Variants in GNB4 observed in about 807,000 individuals in gnomAD.
The protein encoded by GNB4 is guanine nucleotide-binding protein subunit beta-4.
Under a neutral mutation model 45.2 loss-of-function variants are expected in GNB4, and 28 were observed. The ratio of observed to expected loss-of-function variants is 0.62; its 90% CI spans 0.46 to 0.85. GNB4 has a LOEUF of 0.85. Ranked by LOEUF, GNB4 falls within the 40% of genes least tolerant of loss-of-function variation. GNB4 has a pLI of 0.00. For synonymous variants in GNB4, 132 were observed against 143.7 expected (o/e 0.92, Z 0.58); for missense variants, 321 against 425.4 (o/e 0.75, Z 2.16).
the GNB4 span, among the ~76,000 whole-genome samples, chr3:179,473,701 G>A: frequency 4.6e-5 from 7 of 152,116 alleles, no homozygotes; most frequent in Non-Finnish European, 7.4e-5. Context: ...TTGAAAACAC[G>A]GAAATAACTT....
the GNB4 span, among the ~76,000 whole-genome samples, chr3:179,525,519 G>A: frequency 6.7e-6 from 1 of 150,370 alleles, no homozygotes; most frequent in Non-Finnish European, 1.5e-5. Flanking sequence ...GCCAAAGCAG[G>A]CAACCCCGCA....
At chr3:179,487,013 C>A in the GNB4 span, among the ~76,000 whole-genome samples, 2 of 152,148 alleles carry the variant, frequency 1.3e-5, no homozygotes, top group Non-Finnish European at 2.9e-5. Context: ...CACTTCTATT[C>A]AAAAATGCCT....
chr3:179,441,608 C>T (rs1715594998), intron 1 of GNB4, among the ~76,000 whole-genome samples: 1 of 151,760 alleles, frequency 6.6e-6, no homozygotes, highest in African/African-American at 2.4e-5. Flanking sequence ...AAAAATTAGC[C>T]AGGCTGGGTG....
At chr3:179,519,494 A>G in the GNB4 span, among the ~76,000 whole-genome samples, 1 of 152,022 alleles carries the variant, frequency 6.6e-6, no homozygotes, top group Non-Finnish European at 1.5e-5. Context: ...CCTTGCCTCC[A>G]TAACTGTTGT....
chr3:179,463,669 T>C, the GNB4 span, among the ~76,000 whole-genome samples: 2 of 152,234 alleles, frequency 1.3e-5, no homozygotes, highest in African/African-American at 2.4e-5. Context: ...CTTAGCAAGA[T>C]AGTATGCTAT....
the GNB4 span, among the ~76,000 whole-genome samples, chr3:179,494,567 G>A: frequency 1.3e-5 from 2 of 151,204 alleles, no homozygotes; most frequent in African/African-American, 2.4e-5. Flanking sequence ...AGAAAGGAAG[G>A]AAGGAGGGAG....
intron 1 of GNB4, among the ~76,000 whole-genome samples, chr3:179,436,059 C>T (rs1488170659): frequency 6.6e-6 from 1 of 152,130 alleles, no homozygotes; most frequent in East Asian, 1.9e-4. Context: ...ATCATGAAAG[C>T]TCATATAAGC....
the GNB4 span, among the ~76,000 whole-genome samples, chr3:179,523,747 G>A: frequency 6.6e-6 from 1 of 152,104 alleles, no homozygotes; most frequent in African/African-American, 2.4e-5. Context: ...TTGCCACGGA[G>A]GGAGTAGAGG....
chr3:179,455,766 G>A (rs1288437960), upstream of GNB4, among the ~76,000 whole-genome samples: 2 of 152,174 alleles, frequency 1.3e-5, no homozygotes, highest in East Asian at 3.8e-4. Flanking sequence ...TCCAACATGG[G>A]CAGGGCTTGG....
intron 1 of GNB4, among the ~76,000 whole-genome samples, chr3:179,426,644 A>C (rs1018092289): frequency 1.6e-4 from 24 of 152,296 alleles, no homozygotes; most frequent in African/African-American, 5.5e-4. Flanking sequence ...ATCTCAGGAA[A>C]CGGCAAGACC....
intron 1 of GNB4, among the ~76,000 whole-genome samples, chr3:179,440,880 T>TAGAGAGAGAGAGAGAGAG (rs141411562): frequency 1.3e-3 from 193 of 149,120 alleles, no homozygotes; most frequent in African/African-American, 4.5e-3. Context: ...TATAGATAGA[T>TAGAGAGAGAGAGAGAGAG]AGAGAGAGAG....
intron 1 of GNB4, among the ~76,000 whole-genome samples, chr3:179,430,421 T>A (rs1715276335): frequency 6.6e-6 from 1 of 151,880 alleles, no homozygotes; most frequent in Admixed American, 6.6e-5. Flanking sequence ...ATAGCTGACT[T>A]CTTTCCTGTT....
At chr3:179,414,842 A>C in intron 6 of GNB4, 43 bp downstream of exon 6, 1 of 1,495,034 alleles carries the variant, frequency 6.7e-7, no homozygotes, top group Non-Finnish European at 9.1e-7. Flanking sequence ...CACATTCCAC[A>C]CAAGGAATCG....
At chr3:179,494,907 CAAAAAAAAAAAAAAA>C in the GNB4 span, among the ~76,000 whole-genome samples, 396 of 34,022 alleles carry the variant, frequency 0.012, 14 homozygotes, top group African/African-American at 0.046. Context: ...GACTCTGTCT[CAAAAAAAAAAAAAAA>C]AAAAAAAAAG....
At chr3:179,409,831 A>C (rs566476627) in intron 8 of GNB4, among the ~76,000 whole-genome samples, 2,918 of 122,400 alleles carry the variant, frequency 0.024, 54 homozygotes, top group South Asian at 0.062. Context: ...AAAAAAACAA[A>C]ACAAAAAAAA....
At chr3:179,427,088 G>C (rs974081695) in intron 1 of GNB4, among the ~76,000 whole-genome samples, 1 of 151,876 alleles carries the variant, frequency 6.6e-6, no homozygotes, top group South Asian at 2.1e-4. Flanking sequence ...CCCAGTCTCA[G>C]TGTCTTTGCA....
chr3:179,523,201 T>A, the GNB4 span, among the ~76,000 whole-genome samples: 1 of 151,968 alleles, frequency 6.6e-6, no homozygotes, highest in African/African-American at 2.4e-5. Context: ...AGCACGTGTG[T>A]TTTCATGAAG....
the GNB4 span, among the ~76,000 whole-genome samples, chr3:179,508,860 T>C: frequency 6.8e-6 from 1 of 147,440 alleles, no homozygotes; most frequent in African/African-American, 2.5e-5. Flanking sequence ...TTCAAAACTG[T>C]TTTATATGTT....
At chr3:179,453,002 G>A (rs1327677670), upstream of GNB4, among the ~76,000 whole-genome samples, 1 of 152,160 alleles carries the variant, frequency 6.6e-6, no homozygotes, top group East Asian at 1.9e-4. Context: ...TTACCTTGAA[G>A]TGTGAATTTT....
Sources: gnomAD v4.1 joint callset for allele counts (sites outside exome capture counted in the v4.1 genomes callset) on GRCh38, gnomAD v4.1.1 for gene constraint, MANE v1.5 for transcripts, NCBI Gene and HGNC (gene_info 2026-07-23, HGNC 2026-07-21) for gene names.